The following AASS variants were observed in gnomAD, a reference collection of about 807,000 sequenced individuals.
AASS encodes alpha-aminoadipic semialdehyde synthase, mitochondrial.
Under a neutral mutation model 105.4 loss-of-function variants are expected in AASS, and 86 were observed. The observed-to-expected ratio is 0.82, with a 90% CI of 0.69 to 0.98. The LOEUF (loss-of-function observed/expected upper bound fraction) is 0.98. Ranked by LOEUF, AASS falls within the 50% of genes least tolerant of loss-of-function variation. AASS has a pLI of 0.00. For missense variants in AASS, 1,048 were observed against 1,143.2 expected (o/e 0.92, Z 1.20); for synonymous variants, 381 against 394.8 (o/e 0.96, Z 0.41).
At chr7:122,113,564 G>C in intron 10 of AASS, 34 bp downstream of exon 10, 2 of 1,610,468 alleles carry the variant, frequency 1.2e-6, no homozygotes, top group Non-Finnish European at 1.7e-6. Flanking sequence ...GTAACTAAGT[G>C]AGGAATATCA....
At chr7:122,105,935 G>T (rs1794646308) in intron 11 of AASS, among the ~76,000 whole-genome samples, 1 of 151,944 alleles carries the variant, frequency 6.6e-6, no homozygotes, top group South Asian at 2.1e-4. Flanking sequence ...ATGAAACAAA[G>T]AGTTTGTTTG....
chr7:122,088,212 T>G lies in AASS; in HGVS notation c.2017-2033A>C, dbSNP rs1397759618. 2.0e-5 allele frequency among the ~76,000 whole-genome samples: 3 copies of G among 152,076 alleles called. No homozygotes were observed. In the East Asian group the frequency reaches 5.8e-4, roughly 29 times the overall value. On this transcript the variant is annotated intron_variant, in intron 18 of 23. Coordinates refer to ENST00000417368, the MANE Select transcript of AASS (RefSeq NM_005763.4). ...TCTCTAGGTCCAACTCTTTCACACA[T>G]ACACACAAACACAAATACAAATCTC...
At chr7:122,137,245 A>T (rs1157838759) in intron 1 of AASS, among the ~76,000 whole-genome samples, 1 of 152,178 alleles carries the variant, frequency 6.6e-6, no homozygotes, top group Non-Finnish European at 1.5e-5. Flanking sequence ...TAGATGAAGA[A>T]ACTGAACTGG....
At chr7:122,098,640 C>CAAAAAT (rs1181626349) in intron 14 of AASS, 64 bp from the exon 15 acceptor site, 61 of 1,579,458 alleles carry the variant, frequency 3.9e-5, no homozygotes, top group Non-Finnish European at 5.3e-5. Context: ...TTAACATCTC[C>CAAAAAT]AAAAATAAAT....
intron 4 of AASS, among the ~76,000 whole-genome samples, chr7:122,125,552 G>T (rs1300087060): frequency 6.6e-6 from 1 of 152,200 alleles, no homozygotes; most frequent in Non-Finnish European, 1.5e-5. Context: ...GCTGGAACGA[G>T]ACCTCACGTT....
intron 4 of AASS, among the ~76,000 whole-genome samples, chr7:122,119,699 T>C (rs577257572): frequency 3.9e-5 from 6 of 152,328 alleles, no homozygotes; most frequent in Admixed American, 6.5e-5. Context: ...TACACATCTG[T>C]GTTATTACCG....
At chr7:122,142,061 C>A (rs1034878307) in intron 1 of AASS, among the ~76,000 whole-genome samples, 5 of 152,082 alleles carry the variant, frequency 3.3e-5, no homozygotes, top group African/African-American at 1.2e-4. Flanking sequence ...GGACCAGGAA[C>A]CAAGAGCTTG....
At chr7:122,125,649 T>C (rs1251022809) in intron 4 of AASS, among the ~76,000 whole-genome samples, 1 of 152,154 alleles carries the variant, frequency 6.6e-6, no homozygotes, top group Non-Finnish European at 1.5e-5. Context: ...AAGTAACTTG[T>C]GGAATGCTGA....
Position 122,098,381 on chromosome 7 carries a change from A to G in AASS, c.1655+69T>C, listed in dbSNP as rs888704431. The G allele has an allele frequency of 4.4e-6, 7 of 1,580,080 alleles. No individual in the cohort carries two copies. In the African/African-American group the frequency reaches 9.5e-5, roughly 21 times the overall value. On this transcript the variant is annotated intron_variant, in intron 15 of 23. Coordinates refer to ENST00000417368, the MANE Select transcript of AASS (RefSeq NM_005763.4). ...AAGGAGTATGAAGAGAGGAGAAGTG[A>G]AAGAGAAAGAAAAATGAGAAAAGAA...
At chr7:122,108,273 A>C (rs1794762269) in intron 11 of AASS, among the ~76,000 whole-genome samples, 1 of 152,124 alleles carries the variant, frequency 6.6e-6, no homozygotes, top group Non-Finnish European at 1.5e-5. Context: ...AATTCTTCTC[A>C]AACTATTCCA....
intron 4 of AASS, among the ~76,000 whole-genome samples, chr7:122,124,160 TCTC>T (rs1795551916): frequency 6.6e-6 from 1 of 152,212 alleles, no homozygotes; most frequent in Non-Finnish European, 1.5e-5. Flanking sequence ...TGTACTGTCC[TCTC>T]CTACTTCCCT....
chr7:122,113,861 T>C (rs1795046258), intron 9 of AASS, 141 bp from the exon 10 acceptor site: 1 of 844,670 alleles, frequency 1.2e-6, no homozygotes, highest in African/African-American at 1.7e-5. Context: ...CTATAGCTCA[T>C]TCTTCAGGAC....
At chr7:122,101,753 T>A in intron 11 of AASS, 73 bp from the exon 12 acceptor site, 1 of 1,107,950 alleles carries the variant, frequency 9.0e-7, no homozygotes, top group Non-Finnish European at 1.4e-6. Context: ...GTATCCATAT[T>A]AAAATATTAA....
In AASS at chr7:122,076,197, A is replaced by G. The variant is rs1792997415; in HGVS notation, c.*292T>C. ...TCAAAAAACAACAACAACAAAAAAA[A>G]AACAAAAGAAAAAAAGTGGCACAAT... On this transcript the variant is annotated 3_prime_UTR_variant, in exon 24 of 24. Transcript: ENST00000417368. The G allele has an allele frequency of 1.2e-5, 4 of 329,334 alleles. No individual in the cohort carries two copies. In the South Asian group the frequency reaches 1.3e-4, roughly 10 times the overall value. The allele number at this position is 329,334 out of a possible 1,614,324, so 20.4% of individuals were successfully genotyped here.
intron 11 of AASS, among the ~76,000 whole-genome samples, chr7:122,103,376 A>G (rs1396457375): frequency 2.0e-5 from 3 of 152,088 alleles, no homozygotes; most frequent in African/African-American, 7.2e-5. Flanking sequence ...GTCCTTCAGA[A>G]AAAAAGAAGA....
Position 122,144,173 on chromosome 7 carries a change from G to A in AASS, c.-28C>T, listed in dbSNP as rs1314004568. The A allele has an allele frequency of 6.6e-6, 1 of 152,426 alleles. No homozygotes were observed. Among genetic ancestry groups the A allele is most frequent in the African/African-American group, 2.4e-5 (1 of 41,472 alleles). 9.4% of individuals were successfully genotyped at this position (152,426 alleles called of 1,614,324 possible). The stretch of plus-strand genomic sequence containing the variant: ...CTCCTCTCCTCACCTCGTCCGCTCT[G>A]GGGCGCCGACTTGTCCCCCGCCGCC... On this transcript the variant is annotated 5_prime_UTR_variant, in exon 1 of 24. Coordinates refer to ENST00000417368, the MANE Select transcript of AASS (RefSeq NM_005763.4).
chr7:122,107,500 A>G (rs1392873634), intron 11 of AASS, among the ~76,000 whole-genome samples: 6 of 152,198 alleles, frequency 3.9e-5, no homozygotes, highest in Non-Finnish European at 8.8e-5. Context: ...ACATGGACTC[A>G]ACCTAAATGC....
intron 19 of AASS, 79 bp downstream of exon 19, chr7:122,085,933 G>T (rs1377949808): frequency 2.0e-6 from 3 of 1,504,794 alleles, no homozygotes; most frequent in African/African-American, 2.8e-5. Context: ...TAATTATTTT[G>T]ACTACTAAGA....
chr7:122,113,810 T>C (rs1234730031), intron 9 of AASS, 90 bp from the exon 10 acceptor site: 20 of 1,447,730 alleles, frequency 1.4e-5, no homozygotes, highest in Middle Eastern at 1.8e-4. Context: ...CAATTTTCAA[T>C]GTGGATCCCA....
Sources: gnomAD v4.1 joint callset for allele counts (sites outside exome capture counted in the v4.1 genomes callset) on GRCh38, gnomAD v4.1.1 for gene constraint, MANE v1.5 for transcripts, NCBI Gene and HGNC (gene_info 2026-07-23, HGNC 2026-07-21) for gene names.